MAST4: variants seen among roughly 807,000 people sequenced by gnomAD.
The protein encoded by MAST4 is microtubule associated serine/threonine kinase family member 4.
In MAST4, 89 loss-of-function variants were observed where a neutral mutation model predicts 162.7. The ratio of observed to expected loss-of-function variants is 0.55; its 90% CI spans 0.46 to 0.65. The LOEUF is 0.65. Ranked by LOEUF, MAST4 falls within the 30% of genes least tolerant of loss-of-function variation. The pLI is 0.00. For missense variants in MAST4, 3,153 were observed against 3,374.0 expected (o/e 0.93, Z 1.62); for synonymous variants, 1,479 against 1,361.1 (o/e 1.09, Z -1.91).
At chr5:66,910,885 C>A (rs981820602) in intron 4 of MAST4, among the ~76,000 whole-genome samples, 2 of 151,788 alleles carry the variant, frequency 1.3e-5, no homozygotes, top group African/African-American at 4.8e-5. Flanking sequence ...GTAGCTGGGA[C>A]TACAGGCGCA....
chr5:67,100,439 C>G lies in MAST4; in HGVS notation c.917C>G (p.Ser306Cys). ...TNTPSSTVSSSCSSQEKLHQL... is the reference protein window; with the variant it reads ...TNTPSSTVSSCCSSQEKLHQL... Reference sequence around the variant, plus strand: ...CCTCACTTTGGTTTTTTTCAGTCATCCTGTTCCTCCCAGGAGAAGTTGCAT... The same window carrying G: ...CCTCACTTTGGTTTTTTTCAGTCATGCTGTTCCTCCCAGGAGAAGTTGCAT... Residue 306 changes from serine (S) to cysteine (C), a missense_variant, in exon 8 of 29, where the codon TCC becomes TGC. Coordinates refer to ENST00000403625, the MANE Select transcript of MAST4 (RefSeq NM_001164664.2). 2.5e-6 allele frequency: 4 copies of G among 1,613,590 alleles called. No individual in the cohort carries two copies. The highest frequency in any genetic ancestry group is 3.4e-6 in the Non-Finnish European group (4 of 1,179,736).
chr5:67,136,655 C>A lies in MAST4; in HGVS notation c.2485C>A (p.Leu829Met). The A allele has an allele frequency of 1.9e-6, 3 of 1,596,322 alleles. No homozygotes were observed. The highest frequency in any genetic ancestry group is 2.6e-6 in the Non-Finnish European group (3 of 1,170,718). The change falls in exon 19 of 29, where the codon CTG (leucine) becomes ATG (methionine). Residue 829 changes from leucine to methionine, a missense_variant. Physicochemically the swap from Leu to Met is conservative, Grantham distance 15 (BLOSUM62 2). Around this residue, in one of 7 missense-constraint regions of MAST4, gnomAD observed 62 missense variants for 63.1 expected, o/e 0.98. Coordinates refer to ENST00000403625, the MANE Select transcript of MAST4 (RefSeq NM_001164664.2). ...LLLRQNPLER[L>M]GTGGAYEVKQ... ...CCTCAGGCAGAATCCCCTGGAGAGG[C>A]TGGGAACAGGTTAGAGCCCATGTGT...
intron 1 of MAST4, among the ~76,000 whole-genome samples, chr5:66,748,160 G>A (rs900607826): frequency 6.6e-6 from 1 of 152,082 alleles, no homozygotes; most frequent in South Asian, 2.1e-4. Context: ...TTCTCTAGAT[G>A]TTCCTCTCCT....
chr5:67,041,516 TA>T (rs1756739681), intron 4 of MAST4, among the ~76,000 whole-genome samples: 1 of 152,364 alleles, frequency 6.6e-6, no homozygotes, highest in Non-Finnish European at 1.5e-5. Context: ...TCAAGTACTC[TA>T]GAATTATTTT....
intron 3 of MAST4, among the ~76,000 whole-genome samples, chr5:66,851,700 C>A (rs535138778): frequency 6.6e-6 from 1 of 152,260 alleles, no homozygotes; most frequent in East Asian, 1.9e-4. Context: ...ATAGTGCATG[C>A]ACTTCTCTTA....
intron 6 of MAST4, chr5:67,094,120 A>T: frequency 7.1e-7 from 1 of 1,399,686 alleles, no homozygotes. Context: ...CTTTTTTTTA[A>T]CATACTTGAT....
At chr5:67,053,434 C>A (rs1758422552) in intron 4 of MAST4, among the ~76,000 whole-genome samples, 1 of 152,136 alleles carries the variant, frequency 6.6e-6, no homozygotes, top group Non-Finnish European at 1.5e-5. Context: ...TGGTTGAGGG[C>A]AGCACAGTGT....
chr5:66,897,066 A>G (rs116539278), intron 3 of MAST4, among the ~76,000 whole-genome samples: 1,831 of 152,346 alleles, frequency 0.012, 37 homozygotes, highest in African/African-American at 0.042. Context: ...ATCAATATCA[A>G]TGAAAATCTA....
intron 4 of MAST4, among the ~76,000 whole-genome samples, chr5:66,922,192 G>T (rs138959704): frequency 1.3e-5 from 2 of 152,154 alleles, no homozygotes; most frequent in African/African-American, 2.4e-5. Flanking sequence ...TTCTGGGCTC[G>T]CTGTGGAAAT....
chr5:66,882,711 C>A (rs1761768673), intron 3 of MAST4, among the ~76,000 whole-genome samples: 1 of 152,134 alleles, frequency 6.6e-6, no homozygotes. Context: ...ATCTTGACTA[C>A]CTCTGTATCT....
intron 4 of MAST4, among the ~76,000 whole-genome samples, chr5:67,006,324 T>C (rs1451520025): frequency 1.3e-5 from 2 of 152,218 alleles, no homozygotes; most frequent in Admixed American, 1.3e-4. Flanking sequence ...TGACTATGTT[T>C]TTCTCGTTCT....
chr5:66,762,976 A>G (rs932177525), intron 2 of MAST4, among the ~76,000 whole-genome samples: 1 of 152,192 alleles, frequency 6.6e-6, no homozygotes, highest in Non-Finnish European at 1.5e-5. Context: ...TGTAGCAGGC[A>G]TTGTGTTTAG....
intron 4 of MAST4, among the ~76,000 whole-genome samples, chr5:67,032,598 G>T (rs944591603): frequency 4.3e-4 from 65 of 152,000 alleles, no homozygotes. Context: ...TTTACATCAA[G>T]AACAAAATAA....
chr5:66,643,026 C>T lies in MAST4; in HGVS notation c.363+46008C>T, dbSNP rs116267821. ...TAAATACGAATTTCAGAACATGGAC[C>T]GTTTAATTTCTCTTTGAATGGACTG... On this transcript the variant is annotated intron_variant, in intron 1 of 28. Transcript: ENST00000403625. Among the ~76,000 whole-genome samples the T allele has an allele frequency of 7.0e-3, 1,060 of 152,192 alleles. 12 individuals carry two copies. Among genetic ancestry groups the T allele is most frequent in the African/African-American group, 0.024 (1,012 of 41,540 alleles).
chr5:67,040,789 A>T (rs1487067589), intron 4 of MAST4, among the ~76,000 whole-genome samples: 2 of 152,226 alleles, frequency 1.3e-5, no homozygotes, highest in Admixed American at 1.3e-4. Context: ...ACATATAATC[A>T]TTATTGGGCC....
chr5:66,638,086 C>T (rs1464843554), intron 1 of MAST4, among the ~76,000 whole-genome samples: 2 of 152,038 alleles, frequency 1.3e-5, no homozygotes, highest in Non-Finnish European at 2.9e-5. Context: ...TATCAAATAC[C>T]TCACATTAAA....
intron 1 of MAST4, among the ~76,000 whole-genome samples, chr5:66,657,393 A>C (rs1407970385): frequency 1.3e-5 from 2 of 152,244 alleles, no homozygotes; most frequent in Non-Finnish European, 1.5e-5. Context: ...CAATACCCAG[A>C]GACCCCTTAA....
Position 67,165,098 on chromosome 5 carries a change from G to A in MAST4, c.5919G>A (p.Ser1973=). ...PSREKPGLRE[S]SERGPPTARS... ...GGGAGAAGCCAGGCCTGAGGGAATCGTCTGAAAGAGGCCCTCCCACAGCCA... is the reference window on the plus strand; with the variant it reads ...GGGAGAAGCCAGGCCTGAGGGAATCATCTGAAAGAGGCCCTCCCACAGCCA... The change falls in exon 29 of 29, where the codon TCG becomes TCA. Residue 1973 remains serine (S), a synonymous_variant. Transcript: ENST00000403625. 3 of 1,591,778 alleles carry A rather than the reference G, an allele frequency of 1.9e-6. No homozygotes were observed. Among genetic ancestry groups the A allele is most frequent in the South Asian group, 1.1e-5 (1 of 88,272 alleles).
chr5:67,131,997 G>T, intron 16 of MAST4, 46 bp downstream of exon 16: 1 of 1,564,922 alleles, frequency 6.4e-7, no homozygotes, highest in African/African-American at 1.4e-5. Context: ...CCAATACAAA[G>T]TTCTCGTATG....
Sources: allele counts gnomAD v4.1 joint callset (sites outside exome capture counted in the v4.1 genomes callset), GRCh38; gene constraint gnomAD v4.1.1; regional missense constraint gnomAD v4.1.1; transcripts MANE v1.5; gene names NCBI Gene and HGNC (gene_info 2026-07-23, HGNC 2026-07-21).